Variants in ANKS1B observed in about 807,000 individuals in gnomAD.
ANKS1B encodes the protein ankyrin repeat and sterile alpha motif domain-containing protein 1B.
A neutral mutation model predicts 148.3 loss-of-function variants in ANKS1B; 36 were observed. The observed-to-expected ratio is 0.24, with a 90% CI of 0.19 to 0.32. ANKS1B has a LOEUF of 0.32. Ranked by LOEUF, ANKS1B falls within the 10% of genes least tolerant of loss-of-function variation. The pLI is 1.00. For synonymous variants in ANKS1B, 542 were observed against 560.8 expected, an observed-to-expected ratio of 0.97 and a Z score of 0.47; for missense variants, 1,157 against 1,542.6, an observed-to-expected ratio of 0.75 and a Z score of 4.19.
At position 98,934,996 on chromosome 12, in the gene ANKS1B, G is replaced by T. The variant is rs560479291; in HGVS notation, c.2779-102860C>A. On this transcript the variant is annotated intron_variant, in intron 17 of 26. Coordinates refer to ENST00000683438, the MANE Select transcript of ANKS1B (RefSeq NM_001352186.2). The stretch of plus-strand genomic sequence containing the variant: ...TTCCTTGCCTGACTGCTCTGGCTAG[G>T]ACTCCCAGTATTATGTTGAATAGAA... Among the ~76,000 whole-genome samples the T allele has an allele frequency of 3.9e-5, 6 of 152,032 alleles. No individual in the cohort carries two copies. In the South Asian group the frequency reaches 1.2e-3, roughly 32 times the overall value.
chr12:99,520,039 T>C (rs889213025), intron 9 of ANKS1B, among the ~76,000 whole-genome samples: 9 of 152,210 alleles, frequency 5.9e-5, no homozygotes, highest in Non-Finnish European at 1.3e-4. Flanking sequence ...TCAAACGTTG[T>C]TGTAGTTGTT....
At chr12:98,915,268 C>T (rs2099792705) in intron 17 of ANKS1B, among the ~76,000 whole-genome samples, 1 of 152,138 alleles carries the variant, frequency 6.6e-6, no homozygotes, top group Admixed American at 6.5e-5. Context: ...GAGAAGATGG[C>T]CATCTACAAG....
At chr12:99,899,082 G>A (rs2093493543) in intron 1 of ANKS1B, among the ~76,000 whole-genome samples, 1 of 152,124 alleles carries the variant, frequency 6.6e-6, no homozygotes, top group African/African-American at 2.4e-5. Flanking sequence ...TGGTGATGGT[G>A]GCAGTGATTA....
intron 15 of ANKS1B, among the ~76,000 whole-genome samples, chr12:99,130,773 C>T (rs1035330404): frequency 1.3e-5 from 2 of 152,128 alleles, no homozygotes; most frequent in Admixed American, 6.5e-5. Context: ...TCTTCCATTC[C>T]TCACATGCAA....
intron 9 of ANKS1B, among the ~76,000 whole-genome samples, chr12:99,651,869 C>G (rs1406822551): frequency 6.6e-6 from 1 of 151,548 alleles, no homozygotes; most frequent in Non-Finnish European, 1.5e-5. Context: ...AACTAAAAAA[C>G]CAGATGAATT....
intron 12 of ANKS1B, among the ~76,000 whole-genome samples, chr12:99,349,834 T>C (rs141013789): frequency 1.0e-3 from 157 of 152,134 alleles, no homozygotes; most frequent in African/African-American, 2.4e-3. Flanking sequence ...CTAGACCTAA[T>C]AGAGAAATAC....
intron 15 of ANKS1B, 147 bp downstream of exon 15, chr12:99,154,142 G>T: frequency 1.1e-6 from 1 of 943,546 alleles, no homozygotes; most frequent in Non-Finnish European, 1.6e-6. Flanking sequence ...AGCAAGTTCA[G>T]TCCTAAGGGC....
At chr12:99,080,638 C>T (rs1189238254) in intron 16 of ANKS1B, among the ~76,000 whole-genome samples, 2 of 152,110 alleles carry the variant, frequency 1.3e-5, no homozygotes, top group South Asian at 2.1e-4. Flanking sequence ...GAATGCCTGA[C>T]CTTCAGGTGT....
At chr12:99,121,358 T>TGTGTGTGTGTG (rs2062827588) in intron 15 of ANKS1B, among the ~76,000 whole-genome samples, 1 of 150,848 alleles carries the variant, frequency 6.6e-6, no homozygotes, top group Non-Finnish European at 1.5e-5. Context: ...TGTGTGTGTG[T>TGTGTGTGTGTG]ATTTTCCCCC....
chr12:98,804,205 C>T (rs1324761539), intron 20 of ANKS1B, among the ~76,000 whole-genome samples: 2 of 152,078 alleles, frequency 1.3e-5, no homozygotes, highest in Non-Finnish European at 2.9e-5. Context: ...TTCTTTGTGG[C>T]CTTCAAATAT....
chr12:99,385,217 G>A (rs554156791), intron 12 of ANKS1B, among the ~76,000 whole-genome samples: 3 of 152,086 alleles, frequency 2.0e-5, no homozygotes, highest in Non-Finnish European at 4.4e-5. Context: ...GCCTGTAATC[G>A]CACCACTTTG....
At chr12:99,090,303 A>G (rs1202237611) in intron 15 of ANKS1B, among the ~76,000 whole-genome samples, 1 of 152,212 alleles carries the variant, frequency 6.6e-6, no homozygotes, top group Non-Finnish European at 1.5e-5. Context: ...TTATTCATTT[A>G]GCAAGCTTTC....
At chr12:99,698,611 G>T (rs1356961074) in intron 8 of ANKS1B, among the ~76,000 whole-genome samples, 1 of 152,082 alleles carries the variant, frequency 6.6e-6, no homozygotes, top group African/African-American at 2.4e-5. Context: ...AAAGGTTCCC[G>T]AAGCAATAAC....
At chr12:99,525,212 G>A (rs988202037) in intron 9 of ANKS1B, among the ~76,000 whole-genome samples, 32 of 152,294 alleles carry the variant, frequency 2.1e-4, no homozygotes, top group African/African-American at 7.2e-4. Context: ...CATGGGCTAA[G>A]AGAAGGACAT....
chr12:99,697,771 A>G (rs181870619), intron 8 of ANKS1B, among the ~76,000 whole-genome samples: 1 of 152,302 alleles, frequency 6.6e-6, no homozygotes, highest in Admixed American at 6.5e-5. Context: ...ATATCAGTTG[A>G]ACAATTTTAA....
chr12:99,162,494 G>GT (rs1221914360), intron 14 of ANKS1B, among the ~76,000 whole-genome samples: 1 of 151,560 alleles, frequency 6.6e-6, no homozygotes, highest in Non-Finnish European at 1.5e-5. Context: ...AGTGCTCTGG[G>GT]TTTTTTTTCT....
intron 9 of ANKS1B, among the ~76,000 whole-genome samples, chr12:99,618,689 A>G (rs552084806): frequency 1.3e-5 from 2 of 152,150 alleles, no homozygotes; most frequent in Non-Finnish European, 2.9e-5. Flanking sequence ...AGCCTTGGAA[A>G]TAACTTGGGA....
intron 11 of ANKS1B, among the ~76,000 whole-genome samples, chr12:99,403,437 G>T (rs148177325): frequency 7.0e-6 from 1 of 143,570 alleles, no homozygotes; most frequent in Non-Finnish European, 1.5e-5. Context: ...GATTACAGGC[G>T]TGAACGACCA....
At chr12:99,733,292 G>C (rs1219963203) in intron 8 of ANKS1B, among the ~76,000 whole-genome samples, 1 of 152,196 alleles carries the variant, frequency 6.6e-6, no homozygotes, top group Non-Finnish European at 1.5e-5. Flanking sequence ...GGCAACCAGT[G>C]CCTCGTTAGG....
Sources: gnomAD v4.1 joint callset for allele counts (sites outside exome capture counted in the v4.1 genomes callset) on GRCh38, gnomAD v4.1.1 for gene constraint, MANE v1.5 for transcripts, NCBI Gene and HGNC (gene_info 2026-07-23, HGNC 2026-07-21) for gene names.